The following ITIH5 variants were observed in gnomAD, a reference collection of about 807,000 sequenced individuals.
ITIH5 encodes the protein inter-alpha-trypsin inhibitor heavy chain H5.
A neutral mutation model predicts 77.5 loss-of-function variants in ITIH5; 65 were observed. That is an observed-to-expected ratio of 0.84 (90% CI 0.69 to 1.03). The LOEUF is 1.03. Ranked by LOEUF, ITIH5 falls within the 50% of genes least tolerant of loss-of-function variation. The pLI is 0.00. For synonymous variants in ITIH5, 525 were observed against 494.3 expected, an observed-to-expected ratio of 1.06 and a Z score of -0.82; for missense variants, 1,208 against 1,213.1, an observed-to-expected ratio of 1.00 and a Z score of 0.06.
intron 7 of ITIH5, among the ~76,000 whole-genome samples, chr10:7,598,644 C>T (rs948931087): frequency 6.6e-6 from 1 of 152,214 alleles, no homozygotes; most frequent in Middle Eastern, 3.4e-3. Flanking sequence ...TATATAATAT[C>T]GCAACTCTGA....
At chr10:7,624,432 G>A (rs1213206019) in intron 5 of ITIH5, among the ~76,000 whole-genome samples, 4 of 151,774 alleles carry the variant, frequency 2.6e-5, no homozygotes, top group South Asian at 4.2e-4. Context: ...ACTTGGACCC[G>A]GGAGGCAGAG....
rs1362615663 is a variant in ITIH5 at position 7,576,805 on chromosome 10, C to T, written c.1626G>A (p.Lys542=). 2 of 1,614,206 alleles carry T rather than the reference C, an allele frequency of 1.2e-6. No individual in the cohort carries two copies. The highest frequency in any genetic ancestry group is 1.7e-5 in the Admixed American group (1 of 60,024). The change falls in exon 10 of 14, where the codon AAG becomes AAA. Residue 542 remains lysine (K), a synonymous_variant. Transcript: ENST00000397146. ...ASNSKKFIIL[K]TDVPVRPQKA... is the part of the protein sequence containing the mutation. ...TCTGAGGCCGCACAGGCACATCTGT[C>T]TTCAGGATGATGAATTTCTTACTGT... is the stretch of plus-strand genomic sequence containing the variant.
intron 8 of ITIH5, among the ~76,000 whole-genome samples, chr10:7,584,540 G>A (rs1175899228): frequency 1.3e-5 from 2 of 151,822 alleles, no homozygotes; most frequent in African/African-American, 4.8e-5. Flanking sequence ...CCTGACCTCA[G>A]GTGATCCACC....
intron 2 of ITIH5, among the ~76,000 whole-genome samples, chr10:7,645,478 C>G (rs1430924119): frequency 6.6e-6 from 1 of 152,158 alleles, no homozygotes; most frequent in Admixed American, 6.5e-5. Flanking sequence ...TTTAACAAAC[C>G]CTTCAGGTCA....
intron 5 of ITIH5, among the ~76,000 whole-genome samples, chr10:7,625,795 A>AAAAG (rs1833568226): frequency 6.6e-6 from 1 of 150,664 alleles, no homozygotes; most frequent in African/African-American, 2.4e-5. Context: ...GAAAGAAAGA[A>AAAAG]AAAGAAAAAG....
chr10:7,651,541 G>A (rs2131100748), intron 2 of ITIH5, among the ~76,000 whole-genome samples: 1 of 152,228 alleles, frequency 6.6e-6, no homozygotes, highest in Non-Finnish European at 1.5e-5. Context: ...CCAGGAAGTG[G>A]AGGTTGCAGT....
At chr10:7,592,236 G>A (rs1287306728) in intron 7 of ITIH5, among the ~76,000 whole-genome samples, 2 of 152,154 alleles carry the variant, frequency 1.3e-5, no homozygotes, top group African/African-American at 2.4e-5. Flanking sequence ...CTGGCACATA[G>A]GAGATGCTTG....
intron 7 of ITIH5, among the ~76,000 whole-genome samples, chr10:7,614,125 T>A (rs1449689624): frequency 6.6e-6 from 1 of 152,194 alleles, no homozygotes; most frequent in African/African-American, 2.4e-5. Context: ...AATAAATCAT[T>A]TTCAGACAAA....
intron 10 of ITIH5, among the ~76,000 whole-genome samples, chr10:7,573,706 G>A (rs1832351948): frequency 6.7e-6 from 1 of 149,082 alleles, no homozygotes; most frequent in African/African-American, 2.5e-5. Context: ...AAAAAGAATA[G>A]AATAGAAACT....
intron 1 of ITIH5, among the ~76,000 whole-genome samples, chr10:7,661,555 C>A (rs1053022721): frequency 6.6e-6 from 1 of 152,192 alleles, no homozygotes; most frequent in African/African-American, 2.4e-5. Flanking sequence ...ATATCACTCA[C>A]CCCAAATTTT....
intron 8 of ITIH5, 138 bp from the exon 9 acceptor site, chr10:7,580,202 C>G: frequency 1.4e-6 from 1 of 700,780 alleles, no homozygotes; most frequent in Non-Finnish European, 2.4e-6. Context: ...CTCACTGCAA[C>G]CTCCGCCTCC....
At chr10:7,613,578 ATAT>A (rs1394481591) in intron 7 of ITIH5, among the ~76,000 whole-genome samples, 1 of 152,238 alleles carries the variant, frequency 6.6e-6, no homozygotes, top group African/African-American at 2.4e-5. Context: ...AAGAACTTAA[ATAT>A]TTTCTTTAGC....
chr10:7,645,068 C>T (rs1156712088), intron 2 of ITIH5, among the ~76,000 whole-genome samples: 1 of 150,984 alleles, frequency 6.6e-6, no homozygotes, highest in Non-Finnish European at 1.5e-5. Context: ...GCAAGCACTC[C>T]ATGCAAAGGT....
At position 7,566,760 on chromosome 10, in the gene ITIH5, GAAGA is replaced by G. The variant is rs1209929874; in HGVS notation, c.2150-357_2150-354del. On this transcript the variant is annotated intron_variant, in intron 12 of 13. Transcript: ENST00000397146. ...AAAAAAAGAAGAAGAAGAAGAAGAA[GAAGA>G]AAGAAGAAAGAAGAAAGAAGAAAGA... Among the ~76,000 whole-genome samples the G allele has an allele frequency of 7.6e-3, 189 of 24,756 alleles. 59 individuals are homozygous for G. Among genetic ancestry groups the G allele is most frequent in the Middle Eastern group, 0.026 (2 of 76 alleles). The allele number at this position is 24,756 out of a possible 152,430, so 16.2% of individuals were successfully genotyped here.
rs138658798 is a variant in ITIH5 at position 7,563,280 on chromosome 10, C to T, written c.2632G>A (p.Val878Ile). 6,173 of 1,614,200 alleles carry T rather than the reference C, an allele frequency of 3.8e-3. 33 individuals are homozygous for T. Among genetic ancestry groups the T allele is most frequent in the South Asian group, 0.015 (1,351 of 91,086 alleles). ...LLQVGEGPEAVLTVKGHQVPV... is the reference protein window; with the variant it reads ...LLQVGEGPEAILTVKGHQVPV... ...ACTTGGTGGCCTTTCACTGTTAGGA[C>T]GGCCTCAGGCCCCTCTCCCACCTGA... The change falls in exon 14 of 14, where the codon GTC becomes ATC. Residue 878 changes from valine to isoleucine, a missense_variant. Transcript: ENST00000397146.
intron 9 of ITIH5, chr10:7,578,545 T>C (rs1282307788): frequency 6.5e-6 from 1 of 153,206 alleles, no homozygotes; most frequent in Non-Finnish European, 1.5e-5. Flanking sequence ...AAATCTGTGT[T>C]TTCATTTAAA....
intron 3 of ITIH5, among the ~76,000 whole-genome samples, chr10:7,641,680 A>AGGGAG (rs1564275819): frequency 2.3e-4 from 16 of 70,472 alleles, no homozygotes; most frequent in Admixed American, 9.2e-4. Context: ...GAGGCAGGGA[A>AGGGAG]GGAGGGAGGG....
Position 7,603,739 on chromosome 10 carries a change from C to A in ITIH5, c.939+12243G>T, listed in dbSNP as rs11255231. 1.1e-4 allele frequency among the ~76,000 whole-genome samples: 16 copies of A among 152,054 alleles called. No individual in the cohort carries two copies. In the South Asian group the frequency reaches 3.3e-3, roughly 32 times the overall value. ...GCTGGGACTACAGGCCCCACCACCA[C>A]GCCCAGCTAATTTTTTTGTATTTTT... On this transcript the variant is annotated intron_variant, in intron 7 of 13. Transcript: ENST00000397146.
At chr10:7,650,687 G>A (rs1047262830) in intron 2 of ITIH5, among the ~76,000 whole-genome samples, 2 of 150,030 alleles carry the variant, frequency 1.3e-5, no homozygotes, top group Non-Finnish European at 3.0e-5. Flanking sequence ...AGTGAGCCAA[G>A]ATAATGCCAT....
Sources: allele counts gnomAD v4.1 joint callset (sites outside exome capture counted in the v4.1 genomes callset), GRCh38; gene constraint gnomAD v4.1.1; transcripts MANE v1.5; gene names NCBI Gene and HGNC (gene_info 2026-07-23, HGNC 2026-07-21).